The following DNAH8 variants were observed in gnomAD, a reference collection of about 807,000 sequenced individuals.
DNAH8 encodes the protein axonemal beta dynein heavy chain 8.
In DNAH8, 382 loss-of-function variants were observed where a neutral mutation model predicts 562.1. The ratio of observed to expected loss-of-function variants is 0.68; its 90% CI spans 0.63 to 0.74. The LOEUF is 0.74. Among genes scored for constraint, DNAH8 ranks in the 30% least tolerant of loss-of-function variants. The probability of loss-of-function intolerance (pLI) is 0.00; values close to 1 mark genes in which losing one functional copy is unlikely to be tolerated. For missense variants in DNAH8, 5,203 were observed against 5,620.4 expected, an observed-to-expected ratio of 0.93 and a Z score of 2.37; for synonymous variants, 1,881 against 1,919.4, an observed-to-expected ratio of 0.98 and a Z score of 0.52.
intron 49 of DNAH8, among the ~76,000 whole-genome samples, chr6:38,872,075 A>C (rs1287426120): frequency 6.6e-6 from 1 of 152,174 alleles, no homozygotes; most frequent in Non-Finnish European, 1.5e-5. Flanking sequence ...AATCACTTGC[A>C]CAGGAATCCT....
intron 66 of DNAH8, 62 bp downstream of exon 66, chr6:38,911,648 A>C: frequency 1.8e-6 from 2 of 1,141,884 alleles, no homozygotes; most frequent in Non-Finnish European, 2.6e-6. Context: ...AGGGATCTCA[A>C]TATTTTGTTT....
rs1769751352 is a variant in DNAH8, at chr6:38,791,612, G to A, written c.2839G>A (p.Val947Met). 6.2e-7 allele frequency: 1 copy of A among 1,613,932 alleles called. No individual in the cohort carries two copies. The highest frequency in any genetic ancestry group is 1.3e-5 in the African/African-American group (1 of 75,020). ...AGTTCTGAAGGAGATAGCCAAAACT[G>A]TGTTGATTTCTCTGCCTGAAAGTGG... Reference protein sequence around the residue: ...DTVLKEIAKTVLISLPESGAT... With the variant: ...DTVLKEIAKTMLISLPESGAT... The change falls in exon 21 of 93, where the codon GTG (valine) becomes ATG (methionine). Residue 947 changes from valine (V) to methionine (M), a missense_variant. Coordinates refer to ENST00000327475, the MANE Select transcript of DNAH8 (RefSeq NM_001206927.2).
chr6:38,896,849 C>T (rs1325059921), intron 60 of DNAH8, among the ~76,000 whole-genome samples: 5 of 152,102 alleles, frequency 3.3e-5, no homozygotes, highest in Admixed American at 6.6e-5. Context: ...CACAGTGGCA[C>T]GATCTCGGCT....
chr6:38,977,330 A>G (rs539541023), intron 85 of DNAH8, among the ~76,000 whole-genome samples: 72 of 152,150 alleles, frequency 4.7e-4, no homozygotes, highest in Non-Finnish European at 7.8e-4. Flanking sequence ...CTATCCACAC[A>G]GAGCAGTAGC....
At chr6:38,927,338 A>C (rs1175389631) in intron 74 of DNAH8, among the ~76,000 whole-genome samples, 1 of 152,210 alleles carries the variant, frequency 6.6e-6, no homozygotes, top group Non-Finnish European at 1.5e-5. Context: ...TCCTGAGATC[A>C]GTGCTTCTCA....
intron 53 of DNAH8, among the ~76,000 whole-genome samples, chr6:38,881,572 C>T (rs771872952): frequency 2.4e-5 from 3 of 124,050 alleles, no homozygotes; most frequent in African/African-American, 9.6e-5. Context: ...TTTTTTGAGA[C>T]GGAGTTTCGC....
At chr6:39,028,909 G>A (rs1767481637) in intron 92 of DNAH8, among the ~76,000 whole-genome samples, 1 of 151,650 alleles carries the variant, frequency 6.6e-6, no homozygotes, top group Non-Finnish European at 1.5e-5. Flanking sequence ...CCCCCACAGG[G>A]GGATTCCAGA....
intron 31 of DNAH8, 84 bp downstream of exon 31, chr6:38,832,519 G>T: frequency 1.2e-6 from 1 of 814,620 alleles, no homozygotes; most frequent in South Asian, 1.7e-5. Context: ...CTGAGGAATA[G>T]GTACGTTGCA....
intron 79 of DNAH8, 141 bp downstream of exon 79, chr6:38,939,129 C>A (rs999958990): frequency 6.6e-5 from 44 of 671,390 alleles, no homozygotes; most frequent in Non-Finnish European, 9.7e-5. Context: ...TTTTTAATAC[C>A]TTTTTTCTGT....
chr6:38,937,143 G>T (rs961114431), intron 77 of DNAH8, among the ~76,000 whole-genome samples: 2 of 152,074 alleles, frequency 1.3e-5, no homozygotes, highest in Admixed American at 1.3e-4. Context: ...TCATAAGTGG[G>T]AGTTGAACAA....
intron 9 of DNAH8, among the ~76,000 whole-genome samples, chr6:38,754,846 A>C (rs1374432328): frequency 6.6e-6 from 1 of 152,150 alleles, no homozygotes; most frequent in Non-Finnish European, 1.5e-5. Context: ...AACTCAGGAC[A>C]TACTTTAGTC....
chr6:38,965,626 T>G (rs1166122353), intron 82 of DNAH8, among the ~76,000 whole-genome samples: 1 of 152,138 alleles, frequency 6.6e-6, no homozygotes, highest in East Asian at 1.9e-4. Flanking sequence ...TACAAACAAT[T>G]AAAACAAAAC....
At chr6:38,806,178 A>G (rs1468734364) in intron 23 of DNAH8, among the ~76,000 whole-genome samples, 1 of 152,082 alleles carries the variant, frequency 6.6e-6, no homozygotes, top group African/African-American at 2.4e-5. Context: ...TGTCACTGTC[A>G]CATTTGCACT....
chr6:38,937,407 C>T (rs1262903817), intron 77 of DNAH8, among the ~76,000 whole-genome samples: 2 of 152,070 alleles, frequency 1.3e-5, no homozygotes, highest in Non-Finnish European at 2.9e-5. Flanking sequence ...AGTTTCTCTT[C>T]CTGGTGAGAC....
At chr6:38,841,174 T>A in intron 33 of DNAH8, among the ~76,000 whole-genome samples, 1 of 152,094 alleles carries the variant, frequency 6.6e-6, no homozygotes, top group Non-Finnish European at 1.5e-5. Context: ...ATCCCAGCAC[T>A]TAGGGAGGCT....
rs563305318 is a variant in DNAH8 at position 38,828,117 on chromosome 6, A to G, written c.4084-67A>G. The G allele has an allele frequency of 3.8e-4, 365 of 953,454 alleles. 1 individual carries two copies. The highest frequency in any genetic ancestry group is 7.4e-4 in the South Asian group (48 of 64,734). 59.1% of individuals were successfully genotyped at this position (953,454 alleles called of 1,614,324 possible). On this transcript the variant is annotated intron_variant, in intron 29 of 92. Transcript: ENST00000327475. ...TAAGACATAGGAATGTGTTTCTAGA[A>G]GGCGTCTAAATCATTTGGCAATGGC...
At chr6:38,934,419 A>C (rs1024490295) in intron 76 of DNAH8, among the ~76,000 whole-genome samples, 2 of 152,080 alleles carry the variant, frequency 1.3e-5, no homozygotes, top group African/African-American at 4.8e-5. Context: ...CAAAAAACAA[A>C]ACAAACTACA....
chr6:38,844,327 A>G (rs1775101714), intron 35 of DNAH8, among the ~76,000 whole-genome samples: 1 of 151,634 alleles, frequency 6.6e-6, no homozygotes, highest in Admixed American at 6.6e-5. Flanking sequence ...TTGCTTTTTT[A>G]CTTACTTTAA....
In DNAH8 at chr6:38,886,870, T is replaced by C. The variant is rs142328376; in HGVS notation, c.8339T>C (p.Ile2780Thr). 8,901 of 1,614,082 alleles carry C rather than the reference T, an allele frequency of 5.5e-3. 41 individuals carry two copies. The highest frequency in any genetic ancestry group is 7.2e-3 in the Admixed American group (435 of 60,026). ...SLDKPGDFTT[I>T]VDVQLIAAMI... ...GACAAGCCTGGAGACTTCACTACTA[T>C]TGTTGATGTGCAGCTCATAGCAGCA... The change falls in exon 57 of 93, where the codon ATT becomes ACT. Residue 2780 changes from isoleucine to threonine, a missense_variant. This residue lies in a region of DNAH8 where 977 missense variants were observed against 1,061.8 expected (regional missense o/e 0.92). Transcript: ENST00000327475.
Sources: gnomAD v4.1 joint callset for allele counts (sites outside exome capture counted in the v4.1 genomes callset) on GRCh38, gnomAD v4.1.1 for gene constraint, gnomAD v4.1.1 regional missense constraint, MANE v1.5 for transcripts, NCBI Gene and HGNC (gene_info 2026-07-23, HGNC 2026-07-21) for gene names.